CACNA1C: variants seen among roughly 807,000 people sequenced by gnomAD.
CACNA1C encodes the protein calcium voltage-gated channel subunit alpha1 C, also known as voltage-dependent L-type calcium channel subunit alpha-1C.
CACNA1C carries 30 observed loss-of-function variants against 229.0 expected under a neutral mutation model. The ratio of observed to expected loss-of-function variants is 0.13; its 90% CI spans 0.10 to 0.18. The LOEUF (loss-of-function observed/expected upper bound fraction) is 0.18, where lower values mean the gene tolerates loss of function less well. Ranked by LOEUF, CACNA1C falls within the 10% of genes least tolerant of loss-of-function variation. The probability of loss-of-function intolerance (pLI) is 1.00; values close to 1 mark genes in which losing one functional copy is unlikely to be tolerated. For synonymous variants in CACNA1C, 1,114 were observed against 1,132.5 expected, an observed-to-expected ratio of 0.98 and a Z score of 0.33; for missense variants, 1,658 against 2,845.0, an observed-to-expected ratio of 0.58 and a Z score of 9.49.
chr12:2,422,899 T>C (rs1273644168), intron 3 of CACNA1C, among the ~76,000 whole-genome samples: 1 of 152,132 alleles, frequency 6.6e-6, no homozygotes, highest in African/African-American at 2.4e-5. Context: ...GGTCAGGGTG[T>C]GGGTTTCAGG....
At chr12:2,216,055 C>T (rs1321552373) in intron 3 of CACNA1C, among the ~76,000 whole-genome samples, 1 of 152,196 alleles carries the variant, frequency 6.6e-6, no homozygotes, top group Non-Finnish European at 1.5e-5. Context: ...GAAGGAACCC[C>T]ATCACAAAAG....
At chr12:2,398,359 C>T (rs2098624728) in intron 3 of CACNA1C, among the ~76,000 whole-genome samples, 1 of 152,208 alleles carries the variant, frequency 6.6e-6, no homozygotes, top group Non-Finnish European at 1.5e-5. Context: ...TTTTTCATCT[C>T]TAAATATAAA....
At chr12:2,449,696 G>A (rs1268923102) in intron 4 of CACNA1C, among the ~76,000 whole-genome samples, 1 of 152,258 alleles carries the variant, frequency 6.6e-6, no homozygotes, top group Non-Finnish European at 1.5e-5. Context: ...GGACCTGAGT[G>A]CTCCTGATGG....
intron 34 of CACNA1C, among the ~76,000 whole-genome samples, chr12:2,662,618 C>G (rs1342279122): frequency 6.6e-6 from 1 of 152,180 alleles, no homozygotes; most frequent in Non-Finnish European, 1.5e-5. Context: ...GGATTATTCA[C>G]AGAGGCTGAA....
chr12:2,286,396 G>A (rs568215233), intron 3 of CACNA1C, among the ~76,000 whole-genome samples: 3 of 152,198 alleles, frequency 2.0e-5, no homozygotes, highest in Admixed American at 6.5e-5. Flanking sequence ...AAAGTGGAGC[G>A]AGCGGGTGAA....
At chr12:2,300,308 G>A (rs920048311) in intron 3 of CACNA1C, among the ~76,000 whole-genome samples, 40 of 152,278 alleles carry the variant, frequency 2.6e-4, no homozygotes, top group African/African-American at 9.6e-4. Flanking sequence ...CTTTGTGCTT[G>A]GTGGCATCAC....
At position 2,534,670 on chromosome 12, in the gene CACNA1C, G is replaced by T. The variant is rs1450621053; in HGVS notation, c.1391-15273G>T. Reference sequence around the variant, plus strand: ...TAATGAGCAAGTCCTCATCTCTCCAGATAGCCAGGCCATTTGGGAAATGTT... The same window carrying T: ...TAATGAGCAAGTCCTCATCTCTCCATATAGCCAGGCCATTTGGGAAATGTT... On this transcript the variant is annotated intron_variant, in intron 9 of 46. Coordinates refer to ENST00000399655, the MANE Select transcript of CACNA1C (RefSeq NM_000719.7). 2.0e-5 allele frequency among the ~76,000 whole-genome samples: 3 copies of T among 152,064 alleles called. No individual in the cohort carries two copies. In the East Asian group the frequency reaches 5.8e-4, roughly 29 times the overall value.
intron 3 of CACNA1C, among the ~76,000 whole-genome samples, chr12:2,418,991 A>G (rs1353699813): frequency 2.0e-5 from 3 of 152,154 alleles, no homozygotes; most frequent in Non-Finnish European, 4.4e-5. Context: ...ACTATATGTG[A>G]TTTTACATTA....
At position 2,403,100 on chromosome 12, in the gene CACNA1C, C is replaced by A. The variant is rs367866174; in HGVS notation, c.478-45876C>A. On this transcript the variant is annotated intron_variant, in intron 3 of 46. Coordinates refer to ENST00000399655, the MANE Select transcript of CACNA1C (RefSeq NM_000719.7). This position sits in a 1 kb window ranked among gnomAD's most constrained non-coding sequence, Gnocchi z 4.1. ...GTGTGTAGGCAGCAGCACACAGATA[C>A]GGGGCTAGGACGTAGGCCTGGAGTG... is the stretch of plus-strand genomic sequence containing the variant. 1.3e-5 allele frequency among the ~76,000 whole-genome samples: 2 copies of A among 152,116 alleles called. No homozygotes were observed. The highest frequency in any genetic ancestry group is 6.5e-5 in the Admixed American group (1 of 15,268).
intron 11 of CACNA1C, among the ~76,000 whole-genome samples, chr12:2,563,878 TGTG>T (rs2048838181): frequency 6.6e-6 from 1 of 152,204 alleles, no homozygotes; most frequent in Admixed American, 6.5e-5. Flanking sequence ...CACACCCACA[TGTG>T]GTGCTGCTAC....
rs1555107490 is a variant in CACNA1C at position 2,067,449 on chromosome 12, C to CGTGTGT, written c.49+13866_49+13871dup. On this transcript the variant is annotated intron_variant, in intron 1 of 46. Coordinates refer to ENST00000399655, the MANE Select transcript of CACNA1C (RefSeq NM_000719.7). The surrounding 1 kb of genome is among the most constrained non-coding windows in gnomAD (Gnocchi z 5.3). ...GCTTAGGACTGTGGACTAGGATGCA[C>CGTGTGT]GTGTGTGTGTGTGTGTGTGTGTGTG... 0.035 allele frequency among the ~76,000 whole-genome samples: 4,961 copies of CGTGTGT among 141,404 alleles called. 180 individuals carry two copies. Among genetic ancestry groups the CGTGTGT allele is most frequent in the African/African-American group, 0.091 (3,438 of 37,730 alleles). The allele number at this position is 141,404 out of a possible 152,430, so 92.8% of individuals were successfully genotyped here. A position where few individuals can be genotyped will look rare whatever the true frequency, so the allele number is the denominator to read the frequency against.
chr12:1,978,804 G>A (rs1357317169), intron 1 of CACNA1C, among the ~76,000 whole-genome samples: 2 of 152,096 alleles, frequency 1.3e-5, no homozygotes, highest in Non-Finnish European at 2.9e-5. Flanking sequence ...ATCCTCTTTT[G>A]TAGATGGCTT....
chr12:2,201,154 G>A (rs990449027), intron 3 of CACNA1C, among the ~76,000 whole-genome samples: 8 of 152,090 alleles, frequency 5.3e-5, no homozygotes, highest in Admixed American at 1.3e-4. Context: ...GAGTCTTACA[G>A]CTTTGTCTCT....
intron 3 of CACNA1C, among the ~76,000 whole-genome samples, chr12:2,269,210 G>A (rs557174868): frequency 8.5e-5 from 13 of 152,336 alleles, no homozygotes; most frequent in South Asian, 4.1e-4. Context: ...CAAGGAGTCC[G>A]GGAGGGAATG....
chr12:2,012,150 T>A (rs934321247), intron 1 of CACNA1C, among the ~76,000 whole-genome samples: 16 of 152,170 alleles, frequency 1.1e-4, no homozygotes, highest in Non-Finnish European at 1.5e-5. Context: ...GATGAGAGGC[T>A]TTGGAAAAAT....
chr12:1,997,705 T>C (rs1446214338), intron 1 of CACNA1C, among the ~76,000 whole-genome samples: 2 of 152,260 alleles, frequency 1.3e-5, no homozygotes, highest in Non-Finnish European at 2.9e-5. Context: ...TGATTTAAGT[T>C]CATCTACATT....
Position 2,651,437 on chromosome 12 carries a change from T to C in CACNA1C, c.3946-203T>C, listed in dbSNP as rs1416852530. On this transcript the variant is annotated intron_variant, in intron 31 of 46. Transcript: ENST00000399655. This position sits in a 1 kb window ranked among gnomAD's most constrained non-coding sequence, Gnocchi z 5.4. ...ACAGCCCAGCGGCCTGGGCACAGTC[T>C]AGCTCTGCAGAGACCATGGGGCTGG... The C allele has an allele frequency of 1.2e-5, 8 of 657,562 alleles. No homozygotes were observed. In the African/African-American group the frequency reaches 1.5e-4, roughly 12 times the overall value. 40.7% of individuals were successfully genotyped at this position (657,562 alleles called of 1,614,324 possible). A position where few individuals can be genotyped will look rare whatever the true frequency, so the allele number is the denominator to read the frequency against.
intron 10 of CACNA1C, among the ~76,000 whole-genome samples, chr12:2,551,994 C>T (rs1034936): frequency 0.62 from 94,254 of 151,932 alleles, 31,617 homozygotes; most frequent in Non-Finnish European, 0.74. Context: ...TGAAAACTAC[C>T]AATGAGGTGA....
intron 1 of CACNA1C, among the ~76,000 whole-genome samples, chr12:2,096,074 C>T (rs1245367778): frequency 6.6e-6 from 1 of 152,088 alleles, no homozygotes; most frequent in Non-Finnish European, 1.5e-5. Context: ...TCACAGGTGC[C>T]CAGAGTGGAG....
Sources: allele counts gnomAD v4.1 joint callset (sites outside exome capture counted in the v4.1 genomes callset), GRCh38; gene constraint gnomAD v4.1.1; non-coding constraint Gnocchi (gnomAD v3.1); transcripts MANE v1.5; gene names NCBI Gene and HGNC (gene_info 2026-07-23, HGNC 2026-07-21).